SLC35F5: variants seen among roughly 807,000 people sequenced by gnomAD.
SLC35F5 encodes HCV NS5A-transactivated protein 3.
A neutral mutation model predicts 68.6 loss-of-function variants in SLC35F5; 54 were observed. The ratio of observed to expected loss-of-function variants is 0.79; its 90% CI spans 0.63 to 0.99. The LOEUF is 0.99. Ranked by LOEUF, SLC35F5 falls within the 50% of genes least tolerant of loss-of-function variation. The pLI is 0.00. For synonymous variants in SLC35F5, 211 were observed against 205.2 expected, an observed-to-expected ratio of 1.03 and a Z score of -0.24; for missense variants, 567 against 626.9, an observed-to-expected ratio of 0.90 and a Z score of 1.02.
At chr2:113,720,822 T>C (rs1027583475) in intron 13 of SLC35F5, among the ~76,000 whole-genome samples, 33 of 152,126 alleles carry the variant, frequency 2.2e-4, no homozygotes, top group African/African-American at 6.5e-4. Context: ...TTAATAAAGA[T>C]AGATAAAGCC....
At chr2:113,735,071 C>A (rs2104446079) in intron 8 of SLC35F5, among the ~76,000 whole-genome samples, 1 of 152,156 alleles carries the variant, frequency 6.6e-6, no homozygotes, top group Admixed American at 6.5e-5. Flanking sequence ...AAATAAAACA[C>A]CTATCATAGG....
At position 113,735,797 on chromosome 2, in the gene SLC35F5, T is replaced by C; in HGVS notation, c.812A>G (p.Asn271Ser). Residue 271 changes from asparagine (N) to serine (S), a missense_variant, in exon 8 of 16, where the codon AAT becomes AGT. Physicochemically the swap from Asn to Ser is conservative, Grantham distance 46 (BLOSUM62 1). Transcript: ENST00000245680. ...CTTACCGGAAGTTGAAGATAAAATA[T>C]TAACTATAGCAACTTGTGTGTCTGA... ...ALSDTQVAIV[N>S]ILSSTSGLFT... The C allele has an allele frequency of 6.2e-7, 1 of 1,605,014 alleles. No individual in the cohort carries two copies. Among genetic ancestry groups the C allele is most frequent in the African/African-American group, 1.3e-5 (1 of 74,594 alleles).
At chr2:113,738,648 T>A (rs1193409815) in intron 7 of SLC35F5, among the ~76,000 whole-genome samples, 1 of 150,386 alleles carries the variant, frequency 6.6e-6, no homozygotes, top group African/African-American at 2.5e-5. Flanking sequence ...TCACCTAAAT[T>A]ACATTTTACA....
intron 7 of SLC35F5, chr2:113,742,328 A>T (rs1173866395): frequency 3.8e-6 from 1 of 265,228 alleles, no homozygotes; most frequent in Non-Finnish European, 7.1e-6. Context: ...GTAAACTCTT[A>T]TCTGGATATT....
At chr2:113,715,409 T>A (rs1403299480) in intron 15 of SLC35F5, among the ~76,000 whole-genome samples, 1 of 152,180 alleles carries the variant, frequency 6.6e-6, no homozygotes, top group Non-Finnish European at 1.5e-5. Flanking sequence ...CACTAAAGAC[T>A]GTGTATTAGC....
At chr2:113,733,177 G>A (rs1054009017) in intron 9 of SLC35F5, among the ~76,000 whole-genome samples, 1 of 151,998 alleles carries the variant, frequency 6.6e-6, no homozygotes, top group African/African-American at 2.4e-5. Flanking sequence ...GGGCCACATG[G>A]TATTGCAATT....
intron 3 of SLC35F5, 93 bp downstream of exon 3, chr2:113,755,072 A>G (rs2104497524): frequency 7.7e-7 from 1 of 1,300,224 alleles, no homozygotes; most frequent in Non-Finnish European, 1.1e-6. Flanking sequence ...CTGCTTTTAG[A>G]AAGCAGGAGA....
At chr2:113,728,801 C>G (rs1282863045) in intron 11 of SLC35F5, among the ~76,000 whole-genome samples, 1 of 152,188 alleles carries the variant, frequency 6.6e-6, no homozygotes, top group Admixed American at 6.5e-5. Flanking sequence ...TCCAGTCCTA[C>G]AGATATCGCA....
intron 3 of SLC35F5, among the ~76,000 whole-genome samples, chr2:113,754,616 T>C (rs1388479190): frequency 1.3e-5 from 2 of 152,104 alleles, no homozygotes; most frequent in African/African-American, 4.8e-5. Context: ...AAAGACACAA[T>C]TTAACTGAAG....
Position 113,742,735 on chromosome 2 carries a change from G to A in SLC35F5, c.707C>T (p.Thr236Ile), listed in dbSNP as rs1676326268. Residue 236 changes from threonine (T) to isoleucine (I), a missense_variant, in exon 7 of 16, where the codon ACT (threonine) becomes ATT (isoleucine). Transcript: ENST00000245680. ...ESILKTVGKL[T>I]ATQVAKISFF... ...GCTAATTTTCGCTACTTGAGTTGCA[G>A]TAAGTTTCCCCACAGTTTTCAGTAT... The A allele has an allele frequency of 2.5e-6, 4 of 1,613,928 alleles. No homozygotes were observed. The highest frequency in any genetic ancestry group is 1.7e-6 in the Non-Finnish European group (2 of 1,179,992).
intron 13 of SLC35F5, among the ~76,000 whole-genome samples, chr2:113,722,882 C>T (rs925131911): frequency 6.6e-6 from 1 of 152,012 alleles, no homozygotes; most frequent in East Asian, 1.9e-4. Context: ...AAGATGATGC[C>T]CTTAACTTAG....
rs995624580 is a variant in SLC35F5, at chr2:113,755,296, C to T, written c.142G>A (p.Val48Met). 1.4e-5 allele frequency: 22 copies of T among 1,613,992 alleles called. No homozygotes were observed. Among genetic ancestry groups the T allele is most frequent in the Non-Finnish European group, 1.8e-5 (21 of 1,179,926 alleles). Residue 48 changes from valine (V) to methionine (M), a missense_variant, in exon 3 of 16, where the codon GTG (valine) becomes ATG (methionine). Val to Met is a conservative substitution (Grantham distance 21). Transcript: ENST00000245680. ...RRALKTRLQM[V>M]CVFVMNRMNS... ...ATTCGGTTCATGACAAATACACACA[C>T]CATTTGCAGTCTGTTTTTTAGAAAA...
At position 113,742,823 on chromosome 2, in the gene SLC35F5, A is replaced by G. The variant is rs781420683; in HGVS notation, c.619T>C (p.Ser207Pro). 3.1e-6 allele frequency: 5 copies of G among 1,614,134 alleles called. No homozygotes were observed. In the South Asian group the frequency reaches 3.3e-5, roughly 11 times the overall value. ...SNIMEIRQLP[S>P]SHALEAKLSR... ...AACTTTGCTTCCAATGCATGACTTG[A>G]CGGAAGCTGTCGAATCTCCATGATA... The change falls in exon 7 of 16, where the codon TCA becomes CCA. Residue 207 changes from serine (S) to proline (P), a missense_variant. Coordinates refer to ENST00000245680, the MANE Select transcript of SLC35F5 (RefSeq NM_025181.5).
intron 7 of SLC35F5, among the ~76,000 whole-genome samples, chr2:113,738,967 A>G (rs765590324): frequency 2.0e-5 from 3 of 152,214 alleles, no homozygotes; most frequent in Non-Finnish European, 2.9e-5. Context: ...GAAATTGATA[A>G]CATCTGTTTC....
chr2:113,728,157 A>G (rs1687742108), intron 11 of SLC35F5, among the ~76,000 whole-genome samples: 1 of 152,156 alleles, frequency 6.6e-6, no homozygotes, highest in Non-Finnish European at 1.5e-5. Flanking sequence ...AAACCTGGCT[A>G]TTATGCTATA....
At chr2:113,704,319 T>C (rs1686756885), downstream of SLC35F5, among the ~76,000 whole-genome samples, 1 of 152,110 alleles carries the variant, frequency 6.6e-6, no homozygotes, top group African/African-American at 2.4e-5. Context: ...ACACAAAGGT[T>C]CTCCAAGTCC....
intron 4 of SLC35F5, among the ~76,000 whole-genome samples, chr2:113,747,743 A>G (rs1676557255): frequency 6.6e-6 from 1 of 152,254 alleles, no homozygotes; most frequent in African/African-American, 2.4e-5. Flanking sequence ...AGAGATAAGA[A>G]TTAATGCAAC....
chr2:113,708,333 A>C lies in SLC35F5; in HGVS notation c.*6885T>G, dbSNP rs1686859434. On this transcript the variant is annotated 3_prime_UTR_variant, in exon 16 of 16. Transcript: ENST00000245680. The stretch of plus-strand genomic sequence containing the variant: ...AGATGAGAAAACCTCGTAGTATTTT[A>C]GTCTGGTACTTTTAGCATCCCCAAC... 6.6e-6 allele frequency among the ~76,000 whole-genome samples: 1 copy of C among 152,242 alleles called. No individual in the cohort carries two copies.
rs1687067508 is a variant in SLC35F5 at position 113,713,554 on chromosome 2, C to T, written c.*1664G>A. 6.6e-6 allele frequency: 1 copy of T among 151,944 alleles called. No individual in the cohort carries two copies. The highest frequency in any genetic ancestry group is 2.4e-5 in the African/African-American group (1 of 41,380). 9.4% of individuals were successfully genotyped at this position (151,944 alleles called of 1,614,324 possible). A position where few individuals can be genotyped will look rare whatever the true frequency, so the allele number is the denominator to read the frequency against. On this transcript the variant is annotated 3_prime_UTR_variant, in exon 16 of 16. Transcript: ENST00000245680. ...TTATAAACTTCAACCAAAAGTAGTC[C>T]TTGAGTAATTAAAATGTTACTTCAT...
Sources: allele counts gnomAD v4.1 joint callset (sites outside exome capture counted in the v4.1 genomes callset), GRCh38; gene constraint gnomAD v4.1.1; transcripts MANE v1.5; gene names NCBI Gene and HGNC (gene_info 2026-07-23, HGNC 2026-07-21).